Variants in ROBO2 observed in about 807,000 individuals in gnomAD.
The protein encoded by ROBO2 is roundabout homolog 2.
Under a neutral mutation model 160.8 loss-of-function variants are expected in ROBO2, and 53 were observed. That is an observed-to-expected ratio of 0.33 (90% CI 0.26 to 0.41). The LOEUF (loss-of-function observed/expected upper bound fraction) is 0.41, where lower values mean the gene tolerates loss of function less well. ROBO2 is among the 10% of genes least tolerant of loss of function. The probability of loss-of-function intolerance (pLI) is 1.00; values close to 1 mark genes in which losing one functional copy is unlikely to be tolerated. For synonymous variants in ROBO2, 664 were observed against 611.7 expected (o/e 1.09, Z -1.26); for missense variants, 1,577 against 1,722.4 (o/e 0.92, Z 1.49).
chr3:76,943,633 A>G (rs2078334237), intron 2 of ROBO2, among the ~76,000 whole-genome samples: 1 of 152,228 alleles, frequency 6.6e-6, no homozygotes, highest in Non-Finnish European at 1.5e-5. Context: ...TAACCAAAAC[A>G]CGTATTCATA....
chr3:77,011,182 T>C (rs6761974), intron 2 of ROBO2, among the ~76,000 whole-genome samples: 6 of 149,858 alleles, frequency 4.0e-5, no homozygotes, highest in Non-Finnish European at 7.4e-5. Context: ...ATCCTTCCTT[T>C]CTTCCTTCCT....
chr3:77,483,450 C>A (rs1227232236), intron 4 of ROBO2, among the ~76,000 whole-genome samples: 1 of 151,834 alleles, frequency 6.6e-6, no homozygotes, highest in Non-Finnish European at 1.5e-5. Flanking sequence ...TTTTCCAATA[C>A]AACTCTTTAT....
intron 2 of ROBO2, among the ~76,000 whole-genome samples, chr3:76,846,083 C>A (rs1490963279): frequency 2.0e-5 from 3 of 152,064 alleles, no homozygotes; most frequent in Admixed American, 1.3e-4. Context: ...GACAATATAT[C>A]CCAATTTATT....
chr3:77,114,018 G>A (rs1397931258), intron 2 of ROBO2, among the ~76,000 whole-genome samples: 1 of 152,198 alleles, frequency 6.6e-6, no homozygotes, highest in African/African-American at 2.4e-5. Flanking sequence ...AGGCAGGCAT[G>A]AGATGACAAA....
chr3:76,385,911 TC>T (rs1250135241), intron 2 of ROBO2, among the ~76,000 whole-genome samples: 1 of 152,174 alleles, frequency 6.6e-6, no homozygotes. Context: ...TATGTCAGTT[TC>T]TAAGGCCAAC....
intron 2 of ROBO2, among the ~76,000 whole-genome samples, chr3:76,232,415 C>G (rs2107475565): frequency 6.6e-6 from 1 of 152,256 alleles, no homozygotes; most frequent in East Asian, 1.9e-4. Flanking sequence ...ATTGCTGCAA[C>G]AGCAACAACG....
intron 2 of ROBO2, among the ~76,000 whole-genome samples, chr3:77,439,780 C>T (rs2079721661): frequency 6.6e-6 from 1 of 152,064 alleles, no homozygotes; most frequent in South Asian, 2.1e-4. Flanking sequence ...TTCCTTGCTT[C>T]CTTTCTCCTG....
At chr3:77,609,750 AAC>A (rs1244941978) in intron 21 of ROBO2, among the ~76,000 whole-genome samples, 3 of 149,138 alleles carry the variant, frequency 2.0e-5, no homozygotes, top group African/African-American at 7.3e-5. Context: ...TAAGATATAA[AAC>A]ACAAAATTGT....
chr3:77,126,473 C>T (rs1327486269), intron 2 of ROBO2, among the ~76,000 whole-genome samples: 1 of 152,054 alleles, frequency 6.6e-6, no homozygotes, highest in Non-Finnish European at 1.5e-5. Context: ...TGTGGTTTGG[C>T]ATTTTTAGTT....
intron 2 of ROBO2, among the ~76,000 whole-genome samples, chr3:76,801,173 C>G (rs2064169795): frequency 6.6e-6 from 1 of 152,134 alleles, no homozygotes; most frequent in Non-Finnish European, 1.5e-5. Context: ...TTTGCATGTT[C>G]TCACTTATAA....
chr3:76,915,768 C>T (rs1463862476), intron 2 of ROBO2, among the ~76,000 whole-genome samples: 4 of 152,092 alleles, frequency 2.6e-5, no homozygotes, highest in African/African-American at 7.2e-5. Flanking sequence ...AGCAAGGATC[C>T]TGTCTAAGTA....
intron 2 of ROBO2, among the ~76,000 whole-genome samples, chr3:77,367,437 G>A (rs1223231352): frequency 1.3e-5 from 2 of 151,564 alleles, no homozygotes; most frequent in African/African-American, 2.4e-5. Flanking sequence ...TAGTACACAC[G>A]CTGAGAATCA....
intron 2 of ROBO2, among the ~76,000 whole-genome samples, chr3:76,689,972 T>G (rs1431413154): frequency 2.0e-5 from 3 of 152,160 alleles, no homozygotes; most frequent in African/African-American, 7.2e-5. Context: ...AGAATTAACC[T>G]GGTCGTTGAA....
At chr3:76,132,704 A>G (rs1317995170) in intron 2 of ROBO2, among the ~76,000 whole-genome samples, 1 of 152,148 alleles carries the variant, frequency 6.6e-6, no homozygotes, top group African/African-American at 2.4e-5. Context: ...TACATTTCCA[A>G]TATTTAGTGA....
chr3:77,637,071 A>C (rs1337432915), intron 24 of ROBO2, among the ~76,000 whole-genome samples: 1 of 152,232 alleles, frequency 6.6e-6, no homozygotes, highest in Non-Finnish European at 1.5e-5. Context: ...AAAAGGATAA[A>C]CTTTTAAAAA....
chr3:76,548,737 T>G (rs965187262), intron 2 of ROBO2, among the ~76,000 whole-genome samples: 10 of 151,832 alleles, frequency 6.6e-5, no homozygotes, highest in East Asian at 1.9e-4. Context: ...TAGCCAAAAT[T>G]TTTGTGTCTA....
rs191878080 is a variant in ROBO2 at position 77,568,382 on chromosome 3, G to A, written c.1919G>A (p.Arg640His). Residue 640 changes from arginine to histidine, a missense_variant, in exon 13 of 26, where the codon CGT becomes CAT. Physicochemically the swap from Arg to His is conservative, Grantham distance 29. Around this residue, in one of 2 missense-constraint regions of ROBO2, gnomAD observed 940 missense variants for 1,135.5 expected, o/e 0.83. Coordinates refer to ENST00000461745, the Ensembl canonical transcript of ROBO2. ...AAAGAGCTAGGAGATGTCCTTGTCCGTCTTCATAATCCAGTTGTGCTGACT... is the reference window on the plus strand; with the variant it reads ...AAAGAGCTAGGAGATGTCCTTGTCCATCTTCATAATCCAGTTGTGCTGACT... 87 of 1,613,022 alleles carry A rather than the reference G, an allele frequency of 5.4e-5. No homozygotes were observed. In the East Asian group the frequency reaches 1.7e-3, roughly 32 times the overall value.
intron 2 of ROBO2, among the ~76,000 whole-genome samples, chr3:77,408,921 G>A (rs963631166): frequency 3.3e-5 from 5 of 151,488 alleles, no homozygotes; most frequent in Non-Finnish European, 7.4e-5. Context: ...TTTTATAGAG[G>A]TAGGTCCTTG....
chr3:76,232,258 A>C (rs950238624), intron 2 of ROBO2, among the ~76,000 whole-genome samples: 2 of 152,236 alleles, frequency 1.3e-5, no homozygotes, highest in Non-Finnish European at 2.9e-5. Flanking sequence ...ATATGGCTTC[A>C]TAAGGTATAG....
Sources: gnomAD v4.1 joint callset for allele counts (sites outside exome capture counted in the v4.1 genomes callset) on GRCh38, gnomAD v4.1.1 for gene constraint, gnomAD v4.1.1 regional missense constraint, MANE v1.5 for transcripts, NCBI Gene and HGNC (gene_info 2026-07-23, HGNC 2026-07-21) for gene names.